The following ZSWIM9 variants were observed in gnomAD, a reference collection of about 807,000 sequenced individuals.
ZSWIM9 encodes the protein uncharacterized protein ZSWIM9.
A neutral mutation model predicts 25.0 loss-of-function variants in ZSWIM9; 11 were observed. The ratio of observed to expected loss-of-function variants is 0.44; its 90% confidence interval spans 0.28 to 0.73. The LOEUF (loss-of-function observed/expected upper bound fraction) is 0.73, where lower values mean the gene tolerates loss of function less well. Ranked by LOEUF, ZSWIM9 falls within the 30% of genes least tolerant of loss-of-function variation. ZSWIM9 has a pLI of 0.16. For missense variants in ZSWIM9, 1,070 were observed against 1,296.5 expected, an observed-to-expected ratio of 0.83 and a Z score of 2.68; for synonymous variants, 562 against 582.1, an observed-to-expected ratio of 0.97 and a Z score of 0.50.
intron 2 of ZSWIM9, among the ~76,000 whole-genome samples, chr19:48,178,651 A>G (rs1302227269): frequency 6.6e-6 from 1 of 151,838 alleles, no homozygotes; most frequent in Non-Finnish European, 1.5e-5. Flanking sequence ...ATCTCGGCTC[A>G]CTGCAACCTC....
rs1453222426 is a variant in ZSWIM9, at chr19:48,196,930, CT to C, written c.*104del. On this transcript the variant is annotated 3_prime_UTR_variant, in exon 4 of 4. Transcript: ENST00000614654. ...GGCCAAGGAGACCGTTGCAGTCCCCCTGGCCACCTTCTGGGTCATCCAGGGA... is the reference window on the plus strand; with the variant it reads ...GGCCAAGGAGACCGTTGCAGTCCCCCGGCCACCTTCTGGGTCATCCAGGGA... The C allele has an allele frequency of 9.4e-6, 11 of 1,170,056 alleles. No individual in the cohort carries two copies. The highest frequency in any genetic ancestry group is 7.5e-5 in the Admixed American group (2 of 26,686). 72.5% of individuals were successfully genotyped at this position (1,170,056 alleles called of 1,614,324 possible).
Position 48,194,683 on chromosome 19 carries a change from G to T in ZSWIM9, c.619G>T (p.Val207Leu). The T allele has an allele frequency of 6.6e-7, 1 of 1,519,452 alleles. No individual in the cohort carries two copies. The highest frequency in any genetic ancestry group is 8.8e-7 in the Non-Finnish European group (1 of 1,137,578). The allele number at this position is 1,519,452 out of a possible 1,614,324, so 94.1% of individuals were successfully genotyped here. A position where few individuals can be genotyped will look rare whatever the true frequency, so the allele number is the denominator to read the frequency against. Residue 207 changes from valine to leucine, a missense_variant, in exon 4 of 4, where the codon GTG becomes TTG. By Grantham distance (32) the Val-to-Leu change is conservative (BLOSUM62 1). Coordinates refer to ENST00000614654, the MANE Select transcript of ZSWIM9 (RefSeq NM_199341.4). The surrounding 1 kb of genome is among the most constrained non-coding windows in gnomAD (Gnocchi z 6.0). ...VKLVFVEDQAVVETVFFLTSR... is the reference protein window; with the variant it reads ...VKLVFVEDQALVETVFFLTSR... The stretch of plus-strand genomic sequence containing the variant: ...GCTGGTGTTCGTGGAGGACCAGGCT[G>T]TGGTGGAGACGGTGTTCTTCCTGAC...
intron 2 of ZSWIM9, among the ~76,000 whole-genome samples, chr19:48,175,653 G>C (rs1239435762): frequency 6.6e-6 from 1 of 152,032 alleles, no homozygotes; most frequent in Non-Finnish European, 1.5e-5. Context: ...GGAGAGAGAA[G>C]GGATATGAAG....
In ZSWIM9 at chr19:48,194,558, A is replaced by G. The variant is rs2037133928; in HGVS notation, c.589-95A>G. On this transcript the variant is annotated intron_variant, in intron 3 of 3. Transcript: ENST00000614654. The surrounding 1 kb of genome is among the most constrained non-coding windows in gnomAD (Gnocchi z 6.0). ...CAGGCAAGAATGAATGGGTGGTCCC[A>G]TTTCCGTAGAAGGGGAAACCGAGGT... 3.1e-5 allele frequency: 39 copies of G among 1,272,960 alleles called. 2 individuals carry two copies. In the South Asian group the frequency reaches 5.9e-4, roughly 19 times the overall value. The allele number at this position is 1,272,960 out of a possible 1,614,324, so 78.9% of individuals were successfully genotyped here.
At chr19:48,186,226 A>C in intron 3 of ZSWIM9, among the ~76,000 whole-genome samples, 1 of 151,236 alleles carries the variant, frequency 6.6e-6, no homozygotes, top group African/African-American at 2.4e-5. Flanking sequence ...TTTTAACTTT[A>C]TTTCCTCTTT....
chr19:48,170,945 A>G (rs1388523251), intron 1 of ZSWIM9, among the ~76,000 whole-genome samples: 1 of 151,580 alleles, frequency 6.6e-6, no homozygotes, highest in African/African-American at 2.4e-5. Context: ...ACGAAGATGC[A>G]TATTGCGGGG....
intron 2 of ZSWIM9, among the ~76,000 whole-genome samples, chr19:48,176,129 C>G (rs938177640): frequency 6.6e-6 from 1 of 152,080 alleles, no homozygotes; most frequent in South Asian, 2.1e-4. Context: ...TCACTTGAAC[C>G]CAGGAGGCGA....
chr19:48,188,650 C>T (rs1214168636), intron 3 of ZSWIM9, among the ~76,000 whole-genome samples: 1 of 152,170 alleles, frequency 6.6e-6, no homozygotes, highest in Non-Finnish European at 1.5e-5. Flanking sequence ...AAAGAGAGAC[C>T]TTGCCCGGAA....
intron 1 of ZSWIM9, 149 bp from the exon 2 acceptor site, chr19:48,171,645 A>G: frequency 1.3e-6 from 1 of 770,004 alleles, no homozygotes. Context: ...ATATTTATAT[A>G]TTTGGAGAAA....
In ZSWIM9 at chr19:48,191,086, ATGTGTATGTGTGTG is replaced by A. The variant is rs928802585; in HGVS notation, c.589-3561_589-3548del. ...TGTTGTGTGAGAAAGTGCAGTGTGT[ATGTGTATGTGTGTG>A]TGTGTGTGTGTGTGTGTGTGTGTGT... On this transcript the variant is annotated intron_variant, in intron 3 of 3. Transcript: ENST00000614654. Among the ~76,000 whole-genome samples, 14 of 142,650 alleles carry A rather than the reference ATGTGTATGTGTGTG, an allele frequency of 9.8e-5. No homozygotes were observed. In the South Asian group the frequency reaches 1.5e-3, roughly 16 times the overall value. The allele number at this position is 142,650 out of a possible 152,430, so 93.6% of individuals were successfully genotyped here.
chr19:48,176,515 C>T (rs2036894820), intron 2 of ZSWIM9, among the ~76,000 whole-genome samples: 1 of 152,088 alleles, frequency 6.6e-6, no homozygotes, highest in Admixed American at 6.5e-5. Flanking sequence ...TTACTAAGCC[C>T]ATGATTTTAA....
rs981075541 is a variant in ZSWIM9 at position 48,196,499 on chromosome 19, C to T, written c.2435C>T (p.Pro812Leu). Residue 812 changes from proline (P) to leucine (L), a missense_variant, in exon 4 of 4, where the codon CCC (proline) becomes CTC (leucine). Pro to Leu is a moderately conservative substitution (Grantham distance 98). This residue lies in a region of ZSWIM9 where 583 missense variants were observed against 624.7 expected (regional missense o/e 0.93). Coordinates refer to ENST00000614654, the MANE Select transcript of ZSWIM9 (RefSeq NM_199341.4). ...AGGGAACCAAAGAGGCTTTGCCGAC[C>T]CCCGGGAGAGGAGGAGGTGGACTGG... ...GPREPKRLCRPPGEEEVDWEP... is the reference protein window; with the variant it reads ...GPREPKRLCRLPGEEEVDWEP... 1.2e-5 allele frequency: 15 copies of T among 1,232,514 alleles called. No homozygotes were observed. The highest frequency in any genetic ancestry group is 1.5e-5 in the African/African-American group (1 of 64,522). The allele number at this position is 1,232,514 out of a possible 1,614,324, so 76.3% of individuals were successfully genotyped here. A position where few individuals can be genotyped will look rare whatever the true frequency, so the allele number is the denominator to read the frequency against.
In ZSWIM9 at chr19:48,180,325, A is replaced by ATTT. The variant is rs33956249; in HGVS notation, c.276-2116_276-2114dup. 6.5e-3 allele frequency among the ~76,000 whole-genome samples: 912 copies of ATTT among 140,340 alleles called. 13 individuals carry two copies. The highest frequency in any genetic ancestry group is 0.015 in the African/African-American group (562 of 37,926). 92.1% of individuals were successfully genotyped at this position (140,340 alleles called of 152,430 possible). ...GCCACCGCGCCAGGCCATTCTTCCA[A>ATTT]TTTTTTTTTTTTTTTTGAGAGGTAG... On this transcript the variant is annotated intron_variant, in intron 2 of 3. Coordinates refer to ENST00000614654, the MANE Select transcript of ZSWIM9 (RefSeq NM_199341.4).
At chr19:48,174,962 TATAG>T (rs1228802851) in intron 2 of ZSWIM9, 1 of 151,938 alleles carries the variant, frequency 6.6e-6, no homozygotes, top group Non-Finnish European at 1.5e-5. Flanking sequence ...AAAAAAAAAT[TATAG>T]ATAGTGGCCC....
At chr19:48,193,335 C>T (rs1177135989) in intron 3 of ZSWIM9, among the ~76,000 whole-genome samples, 1 of 152,208 alleles carries the variant, frequency 6.6e-6, no homozygotes, top group Non-Finnish European at 1.5e-5. Context: ...TGGCTGCACA[C>T]CCTCGCGTGA....
At position 48,195,253 on chromosome 19, in the gene ZSWIM9, G is replaced by T; in HGVS notation, c.1189G>T (p.Ala397Ser). 1 of 1,529,698 alleles carries T rather than the reference G, an allele frequency of 6.5e-7. No individual in the cohort carries two copies. The allele number at this position is 1,529,698 out of a possible 1,614,324, so 94.8% of individuals were successfully genotyped here. ...GGTCCGCTTCCGCGCCTTCGAGGCG[G>T]CCAGAGACCTGGACGCGTGTGCCCT... is the stretch of plus-strand genomic sequence containing the variant. ...MWVRFRAFEA[A>S]RDLDACALVR... The change falls in exon 4 of 4, where the codon GCC becomes TCC. Residue 397 changes from alanine (A) to serine (S), a missense_variant. Ala to Ser is a moderately conservative substitution (Grantham distance 99). Transcript: ENST00000614654. This position sits in a 1 kb window ranked among gnomAD's most constrained non-coding sequence, Gnocchi z 5.8.
At chr19:48,177,955 T>C (rs1019285274) in intron 2 of ZSWIM9, among the ~76,000 whole-genome samples, 3 of 152,230 alleles carry the variant, frequency 2.0e-5, no homozygotes, top group African/African-American at 7.2e-5. Context: ...TGGAGTGCAA[T>C]GGTGTAGTCT....
chr19:48,171,989 C>G lies in ZSWIM9; in HGVS notation c.187C>G (p.Pro63Ala). 1 of 1,531,420 alleles carries G rather than the reference C, an allele frequency of 6.5e-7. No individual in the cohort carries two copies. The highest frequency in any genetic ancestry group is 8.7e-7 in the Non-Finnish European group (1 of 1,144,790). The allele number at this position is 1,531,420 out of a possible 1,614,324, so 94.9% of individuals were successfully genotyped here. A position where few individuals can be genotyped will look rare whatever the true frequency, so the allele number is the denominator to read the frequency against. ...GCGCTGCCGCTGGGCCAGTGCGCCC[C>G]CGCTCTACACGCTCATCGACGTGCT... Reference protein sequence around the residue: ...LARCRWASAPPLYTLIDVLKY... With the variant: ...LARCRWASAPALYTLIDVLKY... The change falls in exon 2 of 4, where the codon CCG (proline) becomes GCG (alanine). Residue 63 changes from proline to alanine, a missense_variant. Physicochemically the swap from Pro to Ala is conservative, Grantham distance 27 (BLOSUM62 -1). This residue lies in a region of ZSWIM9 where 265 missense variants were observed against 339.0 expected (regional missense o/e 0.78). Coordinates refer to ENST00000614654, the MANE Select transcript of ZSWIM9 (RefSeq NM_199341.4).
In ZSWIM9 at chr19:48,171,836, G is replaced by A. The variant is rs1453379937; in HGVS notation, c.34G>A (p.Ala12Thr). The A allele has an allele frequency of 6.5e-7, 1 of 1,534,216 alleles. No homozygotes were observed. The highest frequency in any genetic ancestry group is 2.0e-5 in the Admixed American group (1 of 50,936). The stretch of plus-strand genomic sequence containing the variant: ...GCCGGAGCCCCCACCCGGCACGGCT[G>A]CGGGGCAGGAGGAGCAGGAGCTGCG... ...ERPEPPPGTA[A>T]GQEEQELRER... The change falls in exon 2 of 4, where the codon GCG becomes ACG. Residue 12 changes from alanine (A) to threonine (T), a missense_variant. Around this residue, in one of 4 missense-constraint regions of ZSWIM9, gnomAD observed 265 missense variants for 339.0 expected, o/e 0.78. Transcript: ENST00000614654.
Sources: gnomAD v4.1 joint callset for allele counts (sites outside exome capture counted in the v4.1 genomes callset) on GRCh38, gnomAD v4.1.1 for gene constraint, gnomAD v4.1.1 regional missense constraint, Gnocchi (gnomAD v3.1) non-coding constraint, MANE v1.5 for transcripts, NCBI Gene and HGNC (gene_info 2026-07-23, HGNC 2026-07-21) for gene names.